RPS6KA5: variants seen among roughly 807,000 people sequenced by gnomAD.
The protein encoded by RPS6KA5 is ribosomal protein S6 kinase alpha-5.
In RPS6KA5, 27 loss-of-function variants were observed where a neutral mutation model predicts 85.5. The ratio of observed to expected loss-of-function variants is 0.32; its 90% CI spans 0.23 to 0.44. RPS6KA5 has a LOEUF of 0.44. Among genes scored for constraint, RPS6KA5 ranks in the 20% least tolerant of loss-of-function variants. The pLI is 1.00. For missense variants in RPS6KA5, 811 were observed against 980.9 expected (o/e 0.83, Z 2.31); for synonymous variants, 334 against 348.2 (o/e 0.96, Z 0.46).
chr14:90,928,118 C>T (rs1484536502), intron 5 of RPS6KA5, among the ~76,000 whole-genome samples: 3 of 151,408 alleles, frequency 2.0e-5, no homozygotes, highest in African/African-American at 4.8e-5. Context: ...TGTAGAGAGA[C>T]GCAGTTTTGC....
chr14:91,028,056 G>A (rs563894547), intron 1 of RPS6KA5, among the ~76,000 whole-genome samples: 3 of 152,112 alleles, frequency 2.0e-5, no homozygotes, highest in Non-Finnish European at 4.4e-5. Flanking sequence ...AAATTCAAAC[G>A]ACATGCAGTA....
intron 2 of RPS6KA5, among the ~76,000 whole-genome samples, chr14:90,996,805 T>G (rs960586754): frequency 1.3e-5 from 2 of 152,178 alleles, no homozygotes; most frequent in Non-Finnish European, 2.9e-5. Context: ...GTTTTCAAAT[T>G]TTCAAGGATC....
intron 7 of RPS6KA5, 35 bp from the exon 8 acceptor site, chr14:90,906,334 A>G (rs762981649): frequency 6.7e-7 from 1 of 1,491,366 alleles, no homozygotes; most frequent in Non-Finnish European, 9.0e-7. Context: ...TAAAACAAAC[A>G]GGATGACAAA....
At chr14:90,912,147 C>G (rs1043615338) in intron 7 of RPS6KA5, among the ~76,000 whole-genome samples, 2 of 152,198 alleles carry the variant, frequency 1.3e-5, no homozygotes, top group East Asian at 3.8e-4. Flanking sequence ...CTCCCTGATA[C>G]TATGAATTTT....
chr14:90,995,951 T>C (rs1413581684), intron 2 of RPS6KA5, among the ~76,000 whole-genome samples: 1 of 152,090 alleles, frequency 6.6e-6, no homozygotes, highest in Non-Finnish European at 1.5e-5. Flanking sequence ...CTGAGTGTGT[T>C]GGCACATGGT....
At chr14:90,910,571 G>A (rs2035751829) in intron 7 of RPS6KA5, among the ~76,000 whole-genome samples, 1 of 145,994 alleles carries the variant, frequency 6.8e-6, no homozygotes, top group Admixed American at 6.6e-5. Context: ...GTGTTTTTGT[G>A]TGTTCACTAA....
intron 1 of RPS6KA5, among the ~76,000 whole-genome samples, chr14:91,036,109 A>C (rs919792352): frequency 4.6e-5 from 7 of 152,072 alleles, no homozygotes; most frequent in African/African-American, 1.7e-4. Context: ...GGGGGGTGCA[A>C]CTCCCCACAG....
chr14:91,008,132 CAT>C (rs1389344364), intron 1 of RPS6KA5, among the ~76,000 whole-genome samples: 1 of 152,202 alleles, frequency 6.6e-6, no homozygotes, highest in African/African-American at 2.4e-5. Flanking sequence ...ACTCTGTTGC[CAT>C]AGTTTCAGCT....
chr14:90,875,616 G>A (rs113640422), intron 14 of RPS6KA5, among the ~76,000 whole-genome samples: 2,792 of 151,818 alleles, frequency 0.018, 110 homozygotes, highest in African/African-American at 0.064. Flanking sequence ...TGTTTATTGC[G>A]GCACTATTCA....
intron 5 of RPS6KA5, among the ~76,000 whole-genome samples, chr14:90,923,734 C>T (rs926886877): frequency 2.0e-5 from 3 of 152,034 alleles, no homozygotes; most frequent in Non-Finnish European, 4.4e-5. Flanking sequence ...ACCTTACCAT[C>T]TTGTGTAGGT....
At chr14:90,964,056 G>A (rs1044004629) in intron 3 of RPS6KA5, among the ~76,000 whole-genome samples, 2 of 152,106 alleles carry the variant, frequency 1.3e-5, no homozygotes, top group Admixed American at 6.6e-5. Context: ...TGGCTGTGTC[G>A]TAGGAAGACT....
intron 5 of RPS6KA5, among the ~76,000 whole-genome samples, chr14:90,940,319 AC>A (rs2037500118): frequency 6.6e-6 from 1 of 152,066 alleles, no homozygotes; most frequent in Non-Finnish European, 1.5e-5. Context: ...TCATTTTTGC[AC>A]CCAGACCACT....
At chr14:91,001,470 T>C (rs2040793903) in intron 1 of RPS6KA5, among the ~76,000 whole-genome samples, 1 of 152,178 alleles carries the variant, frequency 6.6e-6, no homozygotes, top group South Asian at 2.1e-4. Context: ...TTCTAATATG[T>C]AGATAGATAC....
At chr14:91,060,256 G>C in intron 1 of RPS6KA5, 76 bp downstream of exon 1, 1 of 994,574 alleles carries the variant, frequency 1.0e-6, no homozygotes, top group Non-Finnish European at 1.2e-6. Context: ...CGCGCCCCCA[G>C]CCCCGCGCGG....
At position 90,964,731 on chromosome 14, in the gene RPS6KA5, T is replaced by C. The variant is rs184356844; in HGVS notation, c.394+13575A>G. On this transcript the variant is annotated intron_variant, in intron 3 of 16. Transcript: ENST00000614987. ...GAGTTCACAACCAGCCTGGGCAACA[T>C]AGTGAGGCTCTGACTTTGCAAAATA... is the stretch of plus-strand genomic sequence containing the variant. Among the ~76,000 whole-genome samples the C allele has an allele frequency of 2.4e-4, 37 of 151,390 alleles. 1 individual carries two copies. Among genetic ancestry groups the C allele is most frequent in the Admixed American group, 1.7e-3 (26 of 15,216 alleles).
At chr14:91,055,613 C>CA (rs1407345325) in intron 1 of RPS6KA5, among the ~76,000 whole-genome samples, 1 of 151,942 alleles carries the variant, frequency 6.6e-6, no homozygotes, top group Non-Finnish European at 1.5e-5. Flanking sequence ...CCTGTCTCTA[C>CA]AAAAAAATAA....
chr14:91,016,050 A>G (rs559970953), intron 1 of RPS6KA5, among the ~76,000 whole-genome samples: 2 of 152,344 alleles, frequency 1.3e-5, no homozygotes, highest in South Asian at 4.1e-4. Flanking sequence ...GAGCTAGAGC[A>G]GTGTGCAGCC....
rs930110405 is a variant in RPS6KA5 at position 90,865,742 on chromosome 14, G to C, written c.*6332C>G. The C allele has an allele frequency of 7.9e-5, 12 of 152,172 alleles. No individual in the cohort carries two copies. Among genetic ancestry groups the C allele is most frequent in the Non-Finnish European group, 1.3e-4 (9 of 68,038 alleles). The allele number at this position is 152,172 out of a possible 1,614,324, so 9.4% of individuals were successfully genotyped here. A position where few individuals can be genotyped will look rare whatever the true frequency, so the allele number is the denominator to read the frequency against. The stretch of plus-strand genomic sequence containing the variant: ...GGAAGGAGTGGGAAAACAGAGGAGA[G>C]AGCTATCACATGGGCTTCCTAGAGA... On this transcript the variant is annotated 3_prime_UTR_variant, in exon 17 of 17. Coordinates refer to ENST00000614987, the MANE Select transcript of RPS6KA5 (RefSeq NM_004755.4).
Position 90,954,316 on chromosome 14 carries a change from G to A in RPS6KA5, c.395-6766C>T, listed in dbSNP as rs2038388836. On this transcript the variant is annotated intron_variant, in intron 3 of 16. Transcript: ENST00000614987. ...TCCTCTATGTTTTGGAAGAGTTTGT[G>A]AAGAACTGGTAATTCTTCTTTAAAT... Among the ~76,000 whole-genome samples the A allele has an allele frequency of 2.0e-5, 3 of 152,346 alleles. 1 individual carries two copies. In the South Asian group the frequency reaches 6.2e-4, roughly 32 times the overall value.
Sources: gnomAD v4.1 joint callset for allele counts (sites outside exome capture counted in the v4.1 genomes callset) on GRCh38, gnomAD v4.1.1 for gene constraint, MANE v1.5 for transcripts, NCBI Gene and HGNC (gene_info 2026-07-23, HGNC 2026-07-21) for gene names.